EVC2: variants seen among roughly 807,000 people sequenced by gnomAD.
The protein encoded by EVC2 is EvC ciliary complex subunit 2, also known as limbin.
In EVC2, 148 loss-of-function variants were observed where a neutral mutation model predicts 149.3. That is an observed-to-expected ratio of 0.99 (90% CI 0.87 to 1.14). The LOEUF (loss-of-function observed/expected upper bound fraction) is 1.14, where lower values mean the gene tolerates loss of function less well. Among genes scored for constraint, EVC2 ranks in the 50% most tolerant of loss-of-function variants. The pLI is 0.00. For synonymous variants in EVC2, 776 were observed against 649.9 expected, an observed-to-expected ratio of 1.19 and a Z score of -2.95; for missense variants, 1,854 against 1,627.3, an observed-to-expected ratio of 1.14 and a Z score of -2.40.
Position 5,543,130 on chromosome 4 carries a change from C to G in EVC2, c.*1G>C, listed in dbSNP as rs753678564. The stretch of plus-strand genomic sequence containing the variant: ...TTTGGGACAAACTTGCAGGTAAGTT[C>G]TCATTTTTCAGACATCCACTCAATT... On this transcript the variant is annotated 3_prime_UTR_variant and NMD_transcript_variant, in exon 22 of 23. Transcript: ENST00000475313. 5.4e-6 allele frequency: 7 copies of G among 1,289,650 alleles called. No individual in the cohort carries two copies. In the Admixed American group the frequency reaches 6.9e-5, roughly 13 times the overall value. The allele number at this position is 1,289,650 out of a possible 1,614,324, so 79.9% of individuals were successfully genotyped here.
chr4:5,682,908 C>T (rs1304154592), intron 6 of EVC2, among the ~76,000 whole-genome samples: 1 of 151,988 alleles, frequency 6.6e-6, no homozygotes, highest in Non-Finnish European at 1.5e-5. Context: ...GCTTGCAGCC[C>T]AGTGAGCTCA....
In EVC2 at chr4:5,679,403, T is replaced by C. The variant is rs1482513805; in HGVS notation, c.870+1857A>G. ...GACACGCACCACCATGCTCAGCTAA[T>C]TTTTTTTGTATTTTTAGTAAAGACC... On this transcript the variant is annotated intron_variant, in intron 7 of 21. Coordinates refer to ENST00000344408, the MANE Select transcript of EVC2 (RefSeq NM_147127.5). The surrounding 1 kb of genome is among the most constrained non-coding windows in gnomAD (Gnocchi z 5.1). 6.6e-6 allele frequency among the ~76,000 whole-genome samples: 1 copy of C among 151,842 alleles called. No homozygotes were observed. The highest frequency in any genetic ancestry group is 2.4e-5 in the African/African-American group (1 of 41,330).
intron 17 of EVC2, among the ~76,000 whole-genome samples, chr4:5,578,028 T>C (rs1369980106): frequency 8.4e-6 from 1 of 118,640 alleles, no homozygotes; most frequent in African/African-American, 4.3e-5. Flanking sequence ...GAGCCCTGGT[T>C]AGGAATGGAA....
chr4:5,531,399 C>T, the EVC2 span, among the ~76,000 whole-genome samples: 1 of 152,158 alleles, frequency 6.6e-6, no homozygotes, highest in Non-Finnish European at 1.5e-5. Flanking sequence ...AGTCAGGGGT[C>T]TCCAACCCCT....
chr4:5,639,116 T>C (rs1717119275), intron 10 of EVC2, among the ~76,000 whole-genome samples: 1 of 152,084 alleles, frequency 6.6e-6, no homozygotes, highest in Non-Finnish European at 1.5e-5. Flanking sequence ...ATCCCCTGTC[T>C]GACCACAGAT....
At chr4:5,655,770 G>T (rs1247322574) in intron 9 of EVC2, among the ~76,000 whole-genome samples, 1 of 148,858 alleles carries the variant, frequency 6.7e-6, no homozygotes, top group African/African-American at 2.5e-5. Flanking sequence ...AGGAAGGGAG[G>T]GAGGGAAGAA....
intron 16 of EVC2, among the ~76,000 whole-genome samples, chr4:5,605,057 G>A (rs1714276577): frequency 6.6e-6 from 1 of 152,046 alleles, no homozygotes; most frequent in Non-Finnish European, 1.5e-5. Flanking sequence ...TCTTCCTCAT[G>A]ATTTTCTTAA....
At chr4:5,703,549 C>T (rs923453372) in intron 1 of EVC2, among the ~76,000 whole-genome samples, 1 of 152,214 alleles carries the variant, frequency 6.6e-6, no homozygotes, top group African/African-American at 2.4e-5. Context: ...TCTAGACTCT[C>T]AGCCCGGGTT....
At chr4:5,559,926 C>T (rs564738738), downstream of EVC2, among the ~76,000 whole-genome samples, 178 of 152,202 alleles carry the variant, frequency 1.2e-3, no homozygotes, top group African/African-American at 4.1e-3. This position sits in a 1 kb window ranked among gnomAD's most constrained non-coding sequence, Gnocchi z 5.0. Context: ...GACTTCCTTA[C>T]AAAGACTGCA....
chr4:5,648,479 G>T (rs1717889199), intron 9 of EVC2, among the ~76,000 whole-genome samples: 1 of 152,158 alleles, frequency 6.6e-6, no homozygotes, highest in Non-Finnish European at 1.5e-5. Context: ...GGTTTGCTGT[G>T]AAAGCACCTG....
the EVC2 span, among the ~76,000 whole-genome samples, chr4:5,537,450 C>T: frequency 6.6e-6 from 1 of 152,284 alleles, no homozygotes; most frequent in Middle Eastern, 3.4e-3. Flanking sequence ...GACTTGAAGA[C>T]TTTGGAAGTC....
intron 8 of EVC2, 54 bp downstream of exon 8, chr4:5,665,461 T>G (rs1719202960): frequency 1.2e-6 from 2 of 1,612,716 alleles, no homozygotes; most frequent in African/African-American, 2.7e-5. Context: ...AACTGGGGGA[T>G]GAACTTCAAC....
chr4:5,597,330 C>T (rs568343804), intron 16 of EVC2, among the ~76,000 whole-genome samples: 1 of 152,308 alleles, frequency 6.6e-6, no homozygotes, highest in East Asian at 1.9e-4. Flanking sequence ...AAAATACAGG[C>T]AAACCAAAGC....
chr4:5,536,510 C>T, the EVC2 span, among the ~76,000 whole-genome samples: 35 of 152,150 alleles, frequency 2.3e-4, no homozygotes, highest in East Asian at 1.4e-3. Context: ...TATGGCTGGG[C>T]GCGGTGGCTC....
At chr4:5,616,233 G>A (rs2108830074) in intron 15 of EVC2, among the ~76,000 whole-genome samples, 1 of 152,314 alleles carries the variant, frequency 6.6e-6, no homozygotes, top group African/African-American at 2.4e-5. Context: ...GCACAGGTCT[G>A]GTCAGGGCCC....
At chr4:5,626,478 C>T (rs1028355660) in intron 12 of EVC2, among the ~76,000 whole-genome samples, 3 of 151,456 alleles carry the variant, frequency 2.0e-5, no homozygotes, top group African/African-American at 4.9e-5. Context: ...GGATTACAGG[C>T]GCGTGCCACC....
Position 5,569,040 on chromosome 4 carries a change from T to C in EVC2, c.3361-400A>G, listed in dbSNP as rs190108593. Among the ~76,000 whole-genome samples the C allele has an allele frequency of 7.2e-4, 110 of 152,280 alleles. 1 individual carries two copies. The East Asian group carries it at 0.014, about 20-fold the overall frequency. The stretch of plus-strand genomic sequence containing the variant: ...GAAGTGTCCCTAAACCAGTGGACAA[T>C]TGAAGACACTGTGCTATACCCATGC... On this transcript the variant is annotated intron_variant, in intron 19 of 21. Transcript: ENST00000344408. The surrounding 1 kb of genome is among the most constrained non-coding windows in gnomAD (Gnocchi z 4.8).
In EVC2 at chr4:5,562,707, T is replaced by G. The variant is rs565382969; in HGVS notation, c.*141A>C. 24 of 1,538,734 alleles carry G rather than the reference T, an allele frequency of 1.6e-5. No homozygotes were observed. In the East Asian group the frequency reaches 5.1e-4, roughly 32 times the overall value. The stretch of plus-strand genomic sequence containing the variant: ...CAAGATTAAACCGAGTCCCTGCAAG[T>G]TGGCATGCGCTACGGGGTCTGTGCC... On this transcript the variant is annotated 3_prime_UTR_variant, in exon 22 of 22. Coordinates refer to ENST00000344408, the MANE Select transcript of EVC2 (RefSeq NM_147127.5). This position sits in a 1 kb window ranked among gnomAD's most constrained non-coding sequence, Gnocchi z 4.3.
chr4:5,588,719 T>C (rs538849614), intron 16 of EVC2, among the ~76,000 whole-genome samples: 1 of 152,356 alleles, frequency 6.6e-6, no homozygotes, highest in African/African-American at 2.4e-5. Context: ...AAAATATGTG[T>C]GGTATAGATG....
Sources: gnomAD v4.1 joint callset for allele counts (sites outside exome capture counted in the v4.1 genomes callset) on GRCh38, gnomAD v4.1.1 for gene constraint, Gnocchi (gnomAD v3.1) non-coding constraint, MANE v1.5 for transcripts, NCBI Gene and HGNC (gene_info 2026-07-23, HGNC 2026-07-21) for gene names.